Variants in PHACTR1 observed in about 807,000 individuals in gnomAD.
PHACTR1 encodes the protein phosphatase and actin regulator 1, also known as RPEL repeat containing 1.
A neutral mutation model predicts 69.2 loss-of-function variants in PHACTR1; 16 were observed. The observed-to-expected ratio is 0.23, with a 90% CI of 0.16 to 0.35. The LOEUF (loss-of-function observed/expected upper bound fraction) is 0.35. PHACTR1 is among the 10% of genes least tolerant of loss of function. The pLI, the probability that PHACTR1 is intolerant of heterozygous loss-of-function variation, is 1.00. For synonymous variants in PHACTR1, 312 were observed against 284.5 expected (o/e 1.10, Z -0.97); for missense variants, 510 against 734.7 (o/e 0.69, Z 3.54).
chr6:13,042,469 C>T (rs989522197), intron 4 of PHACTR1, among the ~76,000 whole-genome samples: 1 of 152,174 alleles, frequency 6.6e-6, no homozygotes, highest in African/African-American at 2.4e-5. Flanking sequence ...GAGTGATTCT[C>T]AGAACACTGC....
chr6:12,782,523 G>T lies in PHACTR1; in HGVS notation c.250+32733G>T, dbSNP rs537716421. Among the ~76,000 whole-genome samples, 5 of 152,284 alleles carry T rather than the reference G, an allele frequency of 3.3e-5. No homozygotes were observed. In the South Asian group the frequency reaches 1.0e-3, roughly 32 times the overall value. Reference sequence around the variant, plus strand: ...ATTAATGTTTTCCATAGAAATATTGGCTGGAAAATGTAAATTTTCCCACCT... The same window carrying T: ...ATTAATGTTTTCCATAGAAATATTGTCTGGAAAATGTAAATTTTCCCACCT... On this transcript the variant is annotated intron_variant, in intron 4 of 14. Coordinates refer to ENST00000332995, the MANE Select transcript of PHACTR1 (RefSeq NM_030948.6).
At chr6:13,033,299 T>C (rs1802750054) in intron 4 of PHACTR1, among the ~76,000 whole-genome samples, 1 of 152,232 alleles carries the variant, frequency 6.6e-6, no homozygotes, top group African/African-American at 2.4e-5. Flanking sequence ...CCTCTGTACC[T>C]GTTTCCAGCC....
chr6:12,779,289 C>T (rs1452197593), intron 4 of PHACTR1, among the ~76,000 whole-genome samples: 3 of 152,066 alleles, frequency 2.0e-5, no homozygotes, highest in African/African-American at 4.8e-5. Context: ...GAGCTGAGAT[C>T]GCGCCATTGC....
At chr6:12,828,653 C>T (rs1777069573) in intron 4 of PHACTR1, among the ~76,000 whole-genome samples, 1 of 152,050 alleles carries the variant, frequency 6.6e-6, no homozygotes, top group African/African-American at 2.4e-5. Context: ...CTGTTTCCCT[C>T]TGTTTCTTTA....
At chr6:13,058,357 A>G (rs1268644480) in intron 5 of PHACTR1, among the ~76,000 whole-genome samples, 1 of 152,160 alleles carries the variant, frequency 6.6e-6, no homozygotes, top group Admixed American at 6.5e-5. Flanking sequence ...TTGGCCGTGG[A>G]AATCTACAAT....
chr6:12,720,626 T>C (rs1290860593), intron 3 of PHACTR1, among the ~76,000 whole-genome samples: 1 of 152,112 alleles, frequency 6.6e-6, no homozygotes, highest in Non-Finnish European at 1.5e-5. Flanking sequence ...CGTATTAGAG[T>C]AATCAGATGA....
At chr6:12,807,431 G>A (rs770541923) in intron 4 of PHACTR1, among the ~76,000 whole-genome samples, 1 of 152,120 alleles carries the variant, frequency 6.6e-6, no homozygotes, top group Non-Finnish European at 1.5e-5. Flanking sequence ...TCACCAAGAG[G>A]GATGCTAGTG....
chr6:12,999,531 G>A (rs1281542290), intron 4 of PHACTR1, among the ~76,000 whole-genome samples: 6 of 152,112 alleles, frequency 3.9e-5, no homozygotes, highest in Non-Finnish European at 7.4e-5. Context: ...TCCAGGAGGC[G>A]GAGGTTGCAG....
At chr6:13,013,843 G>T (rs1799764755) in intron 4 of PHACTR1, among the ~76,000 whole-genome samples, 1 of 148,974 alleles carries the variant, frequency 6.7e-6, no homozygotes, top group Admixed American at 6.7e-5. Flanking sequence ...GTGGCAGCGC[G>T]CGGGGGCCGG....
Position 13,278,288 on chromosome 6 carries a change from CAGG to C in PHACTR1, c.1474_1476del (p.Glu492del), listed in dbSNP as rs1779373266. 6 of 1,598,756 alleles carry C rather than the reference CAGG, an allele frequency of 3.8e-6. No homozygotes were observed. Among genetic ancestry groups the C allele is most frequent in the Non-Finnish European group, 5.1e-6 (6 of 1,172,498 alleles). On this transcript the variant is annotated inframe_deletion, in exon 12 of 15. Coordinates refer to ENST00000332995, the MANE Select transcript of PHACTR1 (RefSeq NM_030948.6). ...TTTAGCTCGGAATGAACAAGAGGAACAGGAGGAGAAGAGAGAGATCAAGAGGAG... is the reference window on the plus strand; with the variant it reads ...TTTAGCTCGGAATGAACAAGAGGAACAGGAGAAGAGAGAGATCAAGAGGAG...
intron 4 of PHACTR1, among the ~76,000 whole-genome samples, chr6:12,880,079 A>C (rs1328174601): frequency 6.6e-6 from 1 of 152,164 alleles, no homozygotes; most frequent in Admixed American, 6.5e-5. Flanking sequence ...GCATTCACCT[A>C]AACTTCACAG....
At chr6:12,811,593 T>C (rs913284822) in intron 4 of PHACTR1, among the ~76,000 whole-genome samples, 1 of 152,178 alleles carries the variant, frequency 6.6e-6, no homozygotes, top group African/African-American at 2.4e-5. Context: ...TATGGTTTGA[T>C]TTATTTCTTA....
intron 4 of PHACTR1, among the ~76,000 whole-genome samples, chr6:12,805,497 C>T (rs746402821): frequency 6.6e-6 from 1 of 152,188 alleles, no homozygotes; most frequent in Non-Finnish European, 1.5e-5. Context: ...ACGTCTGCCC[C>T]ACAATACTCC....
intron 4 of PHACTR1, among the ~76,000 whole-genome samples, chr6:12,763,128 A>G (rs1768212448): frequency 6.6e-6 from 1 of 152,156 alleles, no homozygotes; most frequent in African/African-American, 2.4e-5. Context: ...CAGGAGAATC[A>G]CTTGAACCTG....
intron 10 of PHACTR1, among the ~76,000 whole-genome samples, chr6:13,238,122 T>G (rs148809725): frequency 4.0e-4 from 61 of 152,322 alleles, no homozygotes; most frequent in African/African-American, 1.4e-3. Context: ...ACACATTAAT[T>G]TGGTTGAGGC....
chr6:12,900,706 T>C (rs944578119), intron 4 of PHACTR1, among the ~76,000 whole-genome samples: 57 of 152,158 alleles, frequency 3.7e-4, no homozygotes, highest in African/African-American at 1.3e-3. Flanking sequence ...TCAAAATATA[T>C]ATACATATCA....
intron 7 of PHACTR1, among the ~76,000 whole-genome samples, chr6:13,199,640 A>G (rs16873768): frequency 0.021 from 3,132 of 152,316 alleles, 102 homozygotes; most frequent in African/African-American, 0.071. Flanking sequence ...AGGAAAAGCT[A>G]ATTGTTTGAT....
chr6:13,232,583 T>G (rs1029716058), intron 10 of PHACTR1, among the ~76,000 whole-genome samples: 4 of 152,234 alleles, frequency 2.6e-5, no homozygotes, highest in Non-Finnish European at 5.9e-5. Context: ...TTAGACATTC[T>G]TCCAATATTG....
intron 4 of PHACTR1, among the ~76,000 whole-genome samples, chr6:12,959,506 A>G (rs372445955): frequency 2.2e-4 from 34 of 152,346 alleles, no homozygotes; most frequent in African/African-American, 7.5e-4. Flanking sequence ...CTATAGTATT[A>G]CAAATATTCA....
Sources: gnomAD v4.1 joint callset for allele counts (sites outside exome capture counted in the v4.1 genomes callset) on GRCh38, gnomAD v4.1.1 for gene constraint, MANE v1.5 for transcripts, NCBI Gene and HGNC (gene_info 2026-07-23, HGNC 2026-07-21) for gene names.